The following SHROOM3 variants were observed in gnomAD, a reference collection of about 807,000 sequenced individuals.
The protein encoded by SHROOM3 is shroom family member 3.
In SHROOM3, 47 loss-of-function variants were observed where a neutral mutation model predicts 138.6. The ratio of observed to expected loss-of-function variants is 0.34; its 90% CI spans 0.27 to 0.43. SHROOM3 has a LOEUF of 0.43. SHROOM3 is among the 20% of genes least tolerant of loss of function. SHROOM3 has a pLI of 1.00. For missense variants in SHROOM3, 2,491 were observed against 2,596.5 expected (o/e 0.96, Z 0.88); for synonymous variants, 1,062 against 1,063.3 (o/e 1.00, Z 0.02).
intron 2 of SHROOM3, among the ~76,000 whole-genome samples, chr4:76,630,151 A>C (rs976111349): frequency 6.6e-6 from 1 of 152,180 alleles, no homozygotes; most frequent in Non-Finnish European, 1.5e-5. Flanking sequence ...CCATATTTTC[A>C]TACCACGTAC....
At chr4:76,749,184 C>A in intron 6 of SHROOM3, 94 bp downstream of exon 6, 1 of 1,167,132 alleles carries the variant, frequency 8.6e-7, no homozygotes, top group Non-Finnish European at 1.3e-6. Flanking sequence ...AATGTGATGT[C>A]ATATAGTGTC....
intron 2 of SHROOM3, among the ~76,000 whole-genome samples, chr4:76,563,403 T>C (rs1733637939): frequency 6.6e-6 from 1 of 152,200 alleles, no homozygotes; most frequent in Non-Finnish European, 1.5e-5. Context: ...AAAAAGGCCA[T>C]ATTCTCTGGC....
At chr4:76,526,848 A>C (rs2088177861) in intron 1 of SHROOM3, among the ~76,000 whole-genome samples, 1 of 152,214 alleles carries the variant, frequency 6.6e-6, no homozygotes, top group Non-Finnish European at 1.5e-5. Flanking sequence ...ATGACAGATC[A>C]AACAATCCAC....
chr4:76,739,845 C>G lies in SHROOM3; in HGVS notation c.1672C>G (p.His558Asp). ...AGCCAAGTATGTCCCCTCCAAAGTCCATTTCTGTTCAGTGCCTGAAAATGA... is the reference window on the plus strand; with the variant it reads ...AGCCAAGTATGTCCCCTCCAAAGTCGATTTCTGTTCAGTGCCTGAAAATGA... Reference protein sequence around the residue: ...ATAKYVPSKVHFCSVPENEED... With the variant: ...ATAKYVPSKVDFCSVPENEED... The change falls in exon 5 of 11, where the codon CAT (histidine) becomes GAT (aspartate). Residue 558 changes from histidine to aspartate, a missense_variant. By Grantham distance (81) the His-to-Asp change is moderately conservative. Coordinates refer to ENST00000296043, the MANE Select transcript of SHROOM3 (RefSeq NM_020859.4). The G allele has an allele frequency of 1.2e-6, 2 of 1,614,220 alleles. No homozygotes were observed. The highest frequency in any genetic ancestry group is 1.7e-6 in the Non-Finnish European group (2 of 1,180,044).
At chr4:76,516,628 T>C (rs1732449984) in intron 1 of SHROOM3, among the ~76,000 whole-genome samples, 2 of 151,130 alleles carry the variant, frequency 1.3e-5, no homozygotes, top group Admixed American at 6.6e-5. Context: ...CACCAGCTAA[T>C]AGATATTATG....
intron 2 of SHROOM3, among the ~76,000 whole-genome samples, chr4:76,650,812 G>A (rs1202174643): frequency 6.6e-6 from 1 of 152,040 alleles, no homozygotes; most frequent in African/African-American, 2.4e-5. Flanking sequence ...CAAAGTGCTG[G>A]GATTATAGGC....
At chr4:76,679,180 G>A (rs754701835) in intron 2 of SHROOM3, among the ~76,000 whole-genome samples, 11 of 152,288 alleles carry the variant, frequency 7.2e-5, no homozygotes, top group Non-Finnish European at 1.5e-4. Flanking sequence ...TTATGACAGT[G>A]TCACCTTTCT....
intron 2 of SHROOM3, among the ~76,000 whole-genome samples, chr4:76,608,582 T>TTGGACAG (rs1560563159): frequency 8.1e-5 from 12 of 148,284 alleles, no homozygotes; most frequent in African/African-American, 3.1e-4. Flanking sequence ...TAGCATAGCA[T>TTGGACAG]AGCATAGCAT....
intron 5 of SHROOM3, among the ~76,000 whole-genome samples, chr4:76,744,243 G>A (rs1721358411): frequency 6.6e-6 from 1 of 152,202 alleles, no homozygotes. Context: ...TTCATAAAGG[G>A]AATGCCATAT....
chr4:76,755,132 C>T lies in SHROOM3; in HGVS notation c.4649C>T (p.Pro1550Leu), dbSNP rs746207712. 1 of 1,611,844 alleles carries T rather than the reference C, an allele frequency of 6.2e-7. No individual in the cohort carries two copies. The highest frequency in any genetic ancestry group is 1.7e-4 in the Middle Eastern group (1 of 6,052). The change falls in exon 7 of 11, where the codon CCT (proline) becomes CTT (leucine). Residue 1550 changes from proline to leucine, a missense_variant. Around this residue, in one of 4 missense-constraint regions of SHROOM3, gnomAD observed 470 missense variants for 595.0 expected, o/e 0.79. Coordinates refer to ENST00000296043, the MANE Select transcript of SHROOM3 (RefSeq NM_020859.4). ...VYSMDDFPPP[P>L]PHTVCEAQLD... ...AGCATGGATGACTTCCCTCCACCTC[C>T]TCCCCACACTGTATGTGAGGCGCAG...
intron 2 of SHROOM3, among the ~76,000 whole-genome samples, chr4:76,696,446 T>A (rs1719732884): frequency 6.6e-6 from 1 of 152,236 alleles, no homozygotes; most frequent in African/African-American, 2.4e-5. Context: ...GATCCGCAGC[T>A]GGATTTGTGA....
At chr4:76,615,641 A>G (rs1452334249) in intron 2 of SHROOM3, among the ~76,000 whole-genome samples, 1 of 152,074 alleles carries the variant, frequency 6.6e-6, no homozygotes, top group East Asian at 1.9e-4. Context: ...GGAGGCACCC[A>G]GGGCATGCAT....
At position 76,705,312 on chromosome 4, in the gene SHROOM3, A is replaced by T. The variant is rs972545683; in HGVS notation, c.324-4844A>T. Among the ~76,000 whole-genome samples, 15 of 79,712 alleles carry T rather than the reference A, an allele frequency of 1.9e-4. 1 individual carries two copies. Among genetic ancestry groups the T allele is most frequent in the African/African-American group, 6.1e-4 (10 of 16,372 alleles). 52.3% of individuals were successfully genotyped at this position (79,712 alleles called of 152,430 possible). A position where few individuals can be genotyped will look rare whatever the true frequency, so the allele number is the denominator to read the frequency against. On this transcript the variant is annotated intron_variant, in intron 2 of 10. Coordinates refer to ENST00000296043, the MANE Select transcript of SHROOM3 (RefSeq NM_020859.4). The stretch of plus-strand genomic sequence containing the variant: ...TAGTGAGACTCCGTCTCTACAAACA[A>T]CAACAACAACAACAACAACAACAAA...
intron 2 of SHROOM3, among the ~76,000 whole-genome samples, chr4:76,703,161 TA>T (rs376218094): frequency 2.2e-3 from 331 of 152,100 alleles, no homozygotes; most frequent in Middle Eastern, 0.01. Flanking sequence ...GGCCCTCCTG[TA>T]ATAAAACAAG....
intron 2 of SHROOM3, among the ~76,000 whole-genome samples, chr4:76,693,377 T>TTTTTTTTTG (rs1560593289): frequency 4.0e-5 from 5 of 125,990 alleles, no homozygotes; most frequent in African/African-American, 6.7e-5. Context: ...TTTGTTTTTT[T>TTTTTTTTTG]TTTTTTTTTT....
intron 2 of SHROOM3, among the ~76,000 whole-genome samples, chr4:76,582,865 C>T (rs1734078237): frequency 6.6e-6 from 1 of 152,110 alleles, no homozygotes; most frequent in African/African-American, 2.4e-5. Context: ...AAGCAATGTC[C>T]CCTCCCTTCT....
chr4:76,712,187 A>C (rs951422178), intron 3 of SHROOM3, among the ~76,000 whole-genome samples: 1 of 152,248 alleles, frequency 6.6e-6, no homozygotes, highest in Non-Finnish European at 1.5e-5. Context: ...AAAGAAAATG[A>C]TCAAGACCTG....
intron 2 of SHROOM3, among the ~76,000 whole-genome samples, chr4:76,646,248 A>ATATATATATATATATATATATATATATAT (rs1491297588): frequency 5.0e-5 from 7 of 141,010 alleles, no homozygotes; most frequent in African/African-American, 7.9e-5. Context: ...ATATATATAT[A>ATATATATATATATATATATATATATATAT]AAATTAAAAA....
intron 2 of SHROOM3, chr4:76,586,141 C>A: frequency 1.7e-6 from 1 of 592,182 alleles, no homozygotes; most frequent in Non-Finnish European, 2.1e-6. Context: ...CTTCCCCTTA[C>A]ATCAGCGGGC....
Sources: gnomAD v4.1 joint callset for allele counts (sites outside exome capture counted in the v4.1 genomes callset) on GRCh38, gnomAD v4.1.1 for gene constraint, gnomAD v4.1.1 regional missense constraint, MANE v1.5 for transcripts, NCBI Gene and HGNC (gene_info 2026-07-23, HGNC 2026-07-21) for gene names.